The following FRY variants were observed in gnomAD, a reference collection of about 807,000 sequenced individuals.
FRY encodes the protein protein furry homolog.
A neutral mutation model predicts 348.4 loss-of-function variants in FRY; 128 were observed. The observed-to-expected ratio is 0.37, with a 90% CI of 0.32 to 0.43. FRY has a LOEUF of 0.43. Among genes scored for constraint, FRY ranks in the 20% least tolerant of loss-of-function variants. FRY has a pLI of 1.00. For missense variants in FRY, 2,736 were observed against 3,695.2 expected (o/e 0.74, Z 6.73); for synonymous variants, 1,370 against 1,374.7 (o/e 1.00, Z 0.08).
Position 32,234,667 on chromosome 13 carries a change from T to A in FRY, c.5621T>A (p.Phe1874Tyr). Residue 1874 changes from phenylalanine (F) to tyrosine (Y), a missense_variant, in exon 42 of 61, where the codon TTC (phenylalanine) becomes TAC (tyrosine). Around this residue, in one of 9 missense-constraint regions of FRY, gnomAD observed 794 missense variants for 977.0 expected, o/e 0.81. Transcript: ENST00000542859. Reference sequence around the variant, plus strand: ...TATGCTGGTCGGTCCTTCCAGATATTCCGGGCCCTCAAGCAACCTCTGTCA... The same window carrying A: ...TATGCTGGTCGGTCCTTCCAGATATACCGGGCCCTCAAGCAACCTCTGTCA... The part of the protein sequence containing the change: ...RHYAGRSFQI[F>Y]RALKQPLSAH... 1 of 1,614,106 alleles carries A rather than the reference T, an allele frequency of 6.2e-7. No homozygotes were observed. The highest frequency in any genetic ancestry group is 8.5e-7 in the Non-Finnish European group (1 of 1,180,004).
intron 16 of FRY, 114 bp downstream of exon 16, chr13:32,157,519 G>T: frequency 2.2e-6 from 2 of 893,654 alleles, no homozygotes. Context: ...CTAAAAAGTA[G>T]TAAAGATAGT....
At chr13:32,060,188 CAG>C (rs1873863215) in intron 1 of FRY, among the ~76,000 whole-genome samples, 2 of 152,218 alleles carry the variant, frequency 1.3e-5, no homozygotes, top group African/African-American at 4.8e-5. Flanking sequence ...ATTCTTCTCT[CAG>C]AAATAATGCC....
chr13:32,107,364 AAAG>A (rs756313565), intron 3 of FRY, among the ~76,000 whole-genome samples: 46 of 152,308 alleles, frequency 3.0e-4, no homozygotes, highest in Non-Finnish European at 5.9e-4. Flanking sequence ...AAATAAAAAT[AAAG>A]AAGAAACCTG....
chr13:32,118,874 T>C lies in FRY; in HGVS notation c.464+1401T>C, dbSNP rs900265464. Among the ~76,000 whole-genome samples, 5 of 152,304 alleles carry C rather than the reference T, an allele frequency of 3.3e-5. No individual in the cohort carries two copies. The East Asian group carries it at 9.6e-4, about 29-fold the overall frequency. On this transcript the variant is annotated intron_variant, in intron 4 of 60. Coordinates refer to ENST00000542859, the MANE Select transcript of FRY (RefSeq NM_023037.3). ...GGATCATTTTATTATTTTTTCCATA[T>C]TACATGTTGTCTTATGAACAGATAT...
chr13:32,267,185 CAG>C lies in FRY; in HGVS notation c.7963_7964del (p.Arg2655GlyfsTer23). ...TTTTTTCCAGCTTTGGAGAAGGTGA[CAG>C]GGGAGTCTCTCCCCCTCCCTCGCCC... ...FTLASFGEGDRGVSPPPSPFF... is the reference protein window; with the variant it reads ...FTLASFGEGDXGVSPPPSPFF... On this transcript the variant is annotated frameshift_variant, in exon 55 of 61. Transcript: ENST00000542859. LOFTEE classifies it high-confidence loss of function. 6.2e-7 allele frequency: 1 copy of C among 1,610,732 alleles called. No individual in the cohort carries two copies. The highest frequency in any genetic ancestry group is 8.5e-7 in the Non-Finnish European group (1 of 1,177,364).
chr13:32,119,891 G>T (rs1318653376), intron 4 of FRY, among the ~76,000 whole-genome samples: 1 of 152,306 alleles, frequency 6.6e-6, no homozygotes, highest in East Asian at 1.9e-4. Context: ...CTCCTTGAAA[G>T]ATAAACATGC....
chr13:32,094,757 C>G (rs755029685), intron 2 of FRY, among the ~76,000 whole-genome samples: 1 of 152,134 alleles, frequency 6.6e-6, no homozygotes, highest in Non-Finnish European at 1.5e-5. Context: ...ATCCATTCAT[C>G]TCTTGATGGA....
chr13:32,244,783 A>G (rs2138484396), intron 47 of FRY, among the ~76,000 whole-genome samples: 1 of 152,326 alleles, frequency 6.6e-6, no homozygotes, highest in East Asian at 1.9e-4. Context: ...GTATATTTTA[A>G]TATTTCCATA....
intron 11 of FRY, among the ~76,000 whole-genome samples, chr13:32,146,115 C>T (rs543954243): frequency 1.2e-3 from 186 of 152,214 alleles, no homozygotes; most frequent in Middle Eastern, 3.4e-3. Context: ...CAGGAGCCCT[C>T]TGCTCCTCCA....
intron 57 of FRY, 29 bp downstream of exon 57, chr13:32,276,591 A>T: frequency 8.4e-7 from 1 of 1,191,578 alleles, no homozygotes; most frequent in Non-Finnish European, 1.3e-6. Context: ...ATGCATATGC[A>T]GTCAGTTAAA....
At chr13:32,181,076 G>C (rs1324247403) in intron 23 of FRY, among the ~76,000 whole-genome samples, 1 of 151,850 alleles carries the variant, frequency 6.6e-6, no homozygotes, top group Non-Finnish European at 1.5e-5. Context: ...ATTTTTAGTA[G>C]AGACAGGGTT....
Position 32,267,188 on chromosome 13 carries a change from G to A in FRY, c.7965G>A (p.Arg2655=), listed in dbSNP as rs1887965298. The change falls in exon 55 of 61, where the codon AGG becomes AGA. Residue 2655 remains arginine (R), a synonymous_variant. Coordinates refer to ENST00000542859, the MANE Select transcript of FRY (RefSeq NM_023037.3). ...FTLASFGEGD[R]GVSPPPSPFF... is the part of the protein sequence containing the mutation. ...TTTCCAGCTTTGGAGAAGGTGACAG[G>A]GGAGTCTCTCCCCCTCCCTCGCCCT... 1 of 1,613,992 alleles carries A rather than the reference G, an allele frequency of 6.2e-7. No homozygotes were observed. Among genetic ancestry groups the A allele is most frequent in the Non-Finnish European group, 8.5e-7 (1 of 1,179,996 alleles).
At chr13:32,263,221 A>C (rs909828429) in intron 53 of FRY, among the ~76,000 whole-genome samples, 1 of 152,250 alleles carries the variant, frequency 6.6e-6, no homozygotes, top group Admixed American at 6.5e-5. Flanking sequence ...ACTGTCTATC[A>C]TGAGTTTGGT....
At position 32,249,520 on chromosome 13, in the gene FRY, C is replaced by T; in HGVS notation, c.7009-6C>T. 1 of 1,614,066 alleles carries T rather than the reference C, an allele frequency of 6.2e-7. No individual in the cohort carries two copies. Among genetic ancestry groups the T allele is most frequent in the African/African-American group, 1.3e-5 (1 of 75,036 alleles). On this transcript the variant is annotated splice_polypyrimidine_tract_variant and splice_region_variant and intron_variant, in intron 48 of 60. Coordinates refer to ENST00000542859, the MANE Select transcript of FRY (RefSeq NM_023037.3). ...CAGAATAATGTGCGTTTGTCTTCTT[C>T]TCAAGACTCCAATCATCGGGAGGCG...
rs772142536 is a variant in FRY, at chr13:32,131,783, C to G, written c.828C>G (p.Phe276Leu). 6 of 1,613,612 alleles carry G rather than the reference C, an allele frequency of 3.7e-6. No homozygotes were observed. The East Asian group carries it at 8.9e-5, about 24-fold the overall frequency. Residue 276 changes from phenylalanine to leucine, a missense_variant, in exon 8 of 61, where the codon TTC (phenylalanine) becomes TTG (leucine). By Grantham distance (22) the Phe-to-Leu change is conservative. This residue lies in a region of FRY where 309 missense variants were observed against 418.1 expected (regional missense o/e 0.74). Coordinates refer to ENST00000542859, the MANE Select transcript of FRY (RefSeq NM_023037.3). ...SIISLIMGMK[F>L]FRIKMYPVED... ...TCAGCTTAATAATGGGCATGAAATT[C>G]TTTCGAATTAAGATGTATCCAGTGG...
rs183423494 is a variant in FRY at position 32,154,521 on chromosome 13, A to G, written c.1480-970A>G. On this transcript the variant is annotated intron_variant, in intron 14 of 60. Coordinates refer to ENST00000542859, the MANE Select transcript of FRY (RefSeq NM_023037.3). ...AGATTTAGATGCAAAGCTTCCCACT[A>G]TACCTCAGTTTCCTCACCTGAAAAA... Among the ~76,000 whole-genome samples, 37 of 152,320 alleles carry G rather than the reference A, an allele frequency of 2.4e-4. No individual in the cohort carries two copies. In the East Asian group the frequency reaches 3.3e-3, roughly 14 times the overall value.
chr13:32,146,183 T>C (rs867430224), intron 11 of FRY, among the ~76,000 whole-genome samples: 1,016 of 10,068 alleles, frequency 0.1, 12 homozygotes, highest in African/African-American at 0.4. Flanking sequence ...CTCCCACCAT[T>C]TTTTTTTTTT....
chr13:32,225,931 T>A lies in FRY; in HGVS notation c.5163T>A (p.Thr1721=). 6.2e-7 allele frequency: 1 copy of A among 1,614,176 alleles called. No homozygotes were observed. Among genetic ancestry groups the A allele is most frequent in the Non-Finnish European group, 8.5e-7 (1 of 1,180,026 alleles). Residue 1721 remains threonine (T), a synonymous_variant, in exon 39 of 61, where the codon ACT becomes ACA. Coordinates refer to ENST00000542859, the MANE Select transcript of FRY (RefSeq NM_023037.3). ...LQTREMGEAK[T]LTVQPAYQPE... is the part of the protein sequence containing the mutation. ...CCCGAGAGATGGGTGAAGCTAAGAC[T>A]CTAACCGTGCAGCCAGCCTACCAAC...
At chr13:32,182,924 C>A in intron 23 of FRY, 53 bp from the exon 24 acceptor site, 1 of 1,123,370 alleles carries the variant, frequency 8.9e-7, no homozygotes, top group Non-Finnish European at 1.4e-6. Context: ...TATTTAGTGA[C>A]AAGTTTGGTG....
Sources: allele counts gnomAD v4.1 joint callset (sites outside exome capture counted in the v4.1 genomes callset), GRCh38; gene constraint gnomAD v4.1.1; regional missense constraint gnomAD v4.1.1; transcripts MANE v1.5; gene names NCBI Gene and HGNC (gene_info 2026-07-23, HGNC 2026-07-21).